The following PRKG1 variants were observed in gnomAD, a reference collection of about 807,000 sequenced individuals.
The protein encoded by PRKG1 is cGMP-dependent protein kinase 1.
PRKG1 carries 35 observed loss-of-function variants against 88.1 expected under a neutral mutation model. The observed-to-expected ratio is 0.40, with a 90% CI of 0.30 to 0.53. The LOEUF (loss-of-function observed/expected upper bound fraction) is 0.53, where lower values mean the gene tolerates loss of function less well. Among genes scored for constraint, PRKG1 ranks in the 20% least tolerant of loss-of-function variants. PRKG1 has a pLI of 0.59. For synonymous variants in PRKG1, 303 were observed against 292.5 expected, an observed-to-expected ratio of 1.04 and a Z score of -0.37; for missense variants, 540 against 839.8, an observed-to-expected ratio of 0.64 and a Z score of 4.41.
At chr10:52,160,887 T>C (rs1838260132) in intron 8 of PRKG1, among the ~76,000 whole-genome samples, 1 of 152,070 alleles carries the variant, frequency 6.6e-6, no homozygotes, top group South Asian at 2.1e-4. Context: ...GAATTAACTT[T>C]TATTTTGAAA....
At chr10:51,713,854 A>G (rs898906131) in intron 3 of PRKG1, among the ~76,000 whole-genome samples, 3 of 152,192 alleles carry the variant, frequency 2.0e-5, no homozygotes, top group Non-Finnish European at 4.4e-5. Flanking sequence ...ATGGTTTCTA[A>G]TATCTTTTAA....
At chr10:51,174,981 G>T (rs1216416331) in intron 2 of PRKG1, among the ~76,000 whole-genome samples, 1 of 151,914 alleles carries the variant, frequency 6.6e-6, no homozygotes, top group Non-Finnish European at 1.5e-5. Context: ...TTTATACGTT[G>T]TGAGTAATTT....
chr10:51,472,234 A>C (rs1344998031), intron 3 of PRKG1, among the ~76,000 whole-genome samples: 4 of 151,808 alleles, frequency 2.6e-5, no homozygotes, highest in Non-Finnish European at 5.9e-5. Flanking sequence ...TTTTGTGTTT[A>C]TTTTTGTTTT....
intron 2 of PRKG1, among the ~76,000 whole-genome samples, chr10:51,301,391 C>T (rs551836911): frequency 6.6e-6 from 1 of 152,014 alleles, no homozygotes; most frequent in Admixed American, 6.6e-5. Context: ...AAGAAAGGTA[C>T]CTTCTTTTAG....
intron 4 of PRKG1, 31 bp downstream of exon 4, chr10:51,804,721 G>C (rs1008716335): frequency 8.3e-6 from 12 of 1,447,554 alleles, no homozygotes; most frequent in Non-Finnish European, 1.2e-5. Context: ...TTGTGAGAGT[G>C]TTTACTTTCC....
intron 2 of PRKG1, among the ~76,000 whole-genome samples, chr10:51,299,918 G>A (rs1431167404): frequency 6.6e-6 from 1 of 152,060 alleles, no homozygotes; most frequent in Admixed American, 6.6e-5. Context: ...TGCATTTCCT[G>A]GTACTATTCA....
chr10:51,256,777 C>T (rs16915938), intron 2 of PRKG1, among the ~76,000 whole-genome samples: 400 of 151,842 alleles, frequency 2.6e-3, no homozygotes, highest in African/African-American at 8.7e-3. Context: ...AAAATGAAAT[C>T]GGGGAACTAG....
chr10:51,404,615 AC>A (rs1837855621), intron 2 of PRKG1, among the ~76,000 whole-genome samples: 1 of 152,206 alleles, frequency 6.6e-6, no homozygotes, highest in Non-Finnish European at 1.5e-5. Flanking sequence ...TGTTTTCAAC[AC>A]CTATGTGTCC....
intron 4 of PRKG1, among the ~76,000 whole-genome samples, chr10:51,871,875 C>T (rs950013058): frequency 1.3e-5 from 2 of 152,022 alleles, no homozygotes; most frequent in Non-Finnish European, 2.9e-5. Flanking sequence ...GCAGTTGCCT[C>T]GGAGCATCCC....
chr10:51,350,350 G>A (rs1454463989), intron 2 of PRKG1, among the ~76,000 whole-genome samples: 1 of 152,158 alleles, frequency 6.6e-6, no homozygotes, highest in African/African-American at 2.4e-5. Flanking sequence ...TTGGTAGTGG[G>A]GAGTCAGGTA....
intron 2 of PRKG1, among the ~76,000 whole-genome samples, chr10:51,312,438 C>T (rs1307641106): frequency 2.0e-5 from 3 of 152,118 alleles, no homozygotes; most frequent in African/African-American, 7.2e-5. Flanking sequence ...GAGTGAGAGG[C>T]AGTCAACTCA....
At chr10:51,533,895 A>C (rs776750496) in intron 3 of PRKG1, among the ~76,000 whole-genome samples, 10 of 152,208 alleles carry the variant, frequency 6.6e-5, no homozygotes, top group Non-Finnish European at 1.3e-4. Context: ...TGCCAATTTT[A>C]TCTAGCTTAA....
intron 3 of PRKG1, among the ~76,000 whole-genome samples, chr10:51,666,299 C>T (rs61851533): frequency 0.029 from 4,394 of 152,188 alleles, 111 homozygotes; most frequent in Middle Eastern, 0.044. Context: ...ACCACAAGCC[C>T]GACACTAAGT....
intron 2 of PRKG1, among the ~76,000 whole-genome samples, chr10:51,349,411 G>T (rs921263792): frequency 1.3e-5 from 2 of 150,428 alleles, no homozygotes; most frequent in African/African-American, 4.9e-5. Context: ...TGTGTATTTT[G>T]TTCAGAGAAG....
chr10:51,607,050 G>A (rs1365092834), intron 3 of PRKG1, among the ~76,000 whole-genome samples: 3 of 152,244 alleles, frequency 2.0e-5, no homozygotes, highest in African/African-American at 7.2e-5. Context: ...CTTTGTGTCT[G>A]CTGATGAAAA....
chr10:52,137,809 G>C (rs2132643814), intron 8 of PRKG1, among the ~76,000 whole-genome samples: 1 of 152,190 alleles, frequency 6.6e-6, no homozygotes, highest in Non-Finnish European at 1.5e-5. Context: ...GATACAGAAT[G>C]CATGAATATG....
intron 1 of PRKG1, among the ~76,000 whole-genome samples, chr10:51,130,202 C>G (rs1043763510): frequency 6.6e-6 from 1 of 152,154 alleles, no homozygotes; most frequent in African/African-American, 2.4e-5. Context: ...AACCTCTTCT[C>G]TCCTCCATTC....
At chr10:51,267,548 A>G (rs1839867746) in intron 2 of PRKG1, among the ~76,000 whole-genome samples, 1 of 152,188 alleles carries the variant, frequency 6.6e-6, no homozygotes, top group African/African-American at 2.4e-5. Flanking sequence ...TACTACAGAA[A>G]CATAAAGTGG....
intron 9 of PRKG1, among the ~76,000 whole-genome samples, chr10:52,244,640 G>A (rs1840957086): frequency 6.9e-6 from 1 of 144,262 alleles, no homozygotes; most frequent in African/African-American, 2.5e-5. Context: ...TCTATATATA[G>A]GTATTCTTCT....
Sources: gnomAD v4.1 joint callset for allele counts (sites outside exome capture counted in the v4.1 genomes callset) on GRCh38, gnomAD v4.1.1 for gene constraint, MANE v1.5 for transcripts, NCBI Gene and HGNC (gene_info 2026-07-23, HGNC 2026-07-21) for gene names.